The following RBFOX1 variants were observed in gnomAD, a reference collection of about 807,000 sequenced individuals.
RBFOX1 encodes the protein RNA binding fox-1 homolog 1.
A neutral mutation model predicts 57.7 loss-of-function variants in RBFOX1; 8 were observed. The observed-to-expected ratio is 0.14, with a 90% CI of 0.08 to 0.25. RBFOX1 has a LOEUF of 0.25. Among genes scored for constraint, RBFOX1 ranks in the 10% least tolerant of loss-of-function variants. The pLI is 1.00. For synonymous variants in RBFOX1, 326 were observed against 222.4 expected (o/e 1.47, Z -4.15); for missense variants, 611 against 548.5 (o/e 1.11, Z -1.14).
chr16:7,633,990 C>A (rs971808796), intron 11 of RBFOX1, among the ~76,000 whole-genome samples: 8 of 152,176 alleles, frequency 5.3e-5, no homozygotes, highest in African/African-American at 1.9e-4. Flanking sequence ...TTTTTACATG[C>A]AGGCCTGTGC....
At chr16:7,146,875 G>A (rs569936873) in intron 4 of RBFOX1, among the ~76,000 whole-genome samples, 3 of 149,250 alleles carry the variant, frequency 2.0e-5, no homozygotes, top group African/African-American at 7.4e-5. Context: ...ATCTGAACCA[G>A]GAGGTCGAGG....
At chr16:6,958,353 T>G (rs2082288339) in intron 3 of RBFOX1, among the ~76,000 whole-genome samples, 1 of 152,186 alleles carries the variant, frequency 6.6e-6, no homozygotes, top group Non-Finnish European at 1.5e-5. Context: ...CAAGTAGCAT[T>G]TTTATCACCC....
intron 4 of RBFOX1, among the ~76,000 whole-genome samples, chr16:5,995,647 G>T (rs1021768777): frequency 6.6e-6 from 1 of 152,186 alleles, no homozygotes; most frequent in Non-Finnish European, 1.5e-5. Context: ...GATGCTACAA[G>T]TCAACCCTTT....
chr16:7,502,458 C>G (rs1041408182), intron 4 of RBFOX1, among the ~76,000 whole-genome samples: 3 of 152,120 alleles, frequency 2.0e-5, no homozygotes, highest in African/African-American at 7.2e-5. Flanking sequence ...TAAGTTTTCA[C>G]CATATCATGC....
chr16:7,353,303 TAGAC>T (rs2097160109), intron 4 of RBFOX1, among the ~76,000 whole-genome samples: 1 of 152,102 alleles, frequency 6.6e-6, no homozygotes, highest in African/African-American at 2.4e-5. Flanking sequence ...ATAAAAAAGA[TAGAC>T]AGCAAGAAGT....
chr16:6,928,804 A>G (rs1220971076), intron 3 of RBFOX1, among the ~76,000 whole-genome samples: 1 of 152,200 alleles, frequency 6.6e-6, no homozygotes, highest in Non-Finnish European at 1.5e-5. Flanking sequence ...AGACATATGC[A>G]CACAGAAAAA....
intron 3 of RBFOX1, among the ~76,000 whole-genome samples, chr16:6,957,080 G>T (rs13338030): frequency 0.58 from 82,349 of 143,158 alleles, 22,914 homozygotes; most frequent in Middle Eastern, 0.62. Flanking sequence ...GGTTGCCCAT[G>T]TTTTTTGGTT....
intron 4 of RBFOX1, among the ~76,000 whole-genome samples, chr16:7,119,837 C>G (rs916628213): frequency 1.3e-5 from 2 of 152,046 alleles, no homozygotes; most frequent in Non-Finnish European, 2.9e-5. Flanking sequence ...CTGAACAACA[C>G]CATCAGCCAA....
intron 3 of RBFOX1, among the ~76,000 whole-genome samples, chr16:5,624,914 T>C (rs1433637821): frequency 1.3e-5 from 2 of 152,122 alleles, no homozygotes; most frequent in Non-Finnish European, 2.9e-5. Flanking sequence ...AATAGGTTTA[T>C]CTGGTGCCAA....
At chr16:5,407,509 A>C (rs931260773) in intron 1 of RBFOX1, among the ~76,000 whole-genome samples, 5 of 152,104 alleles carry the variant, frequency 3.3e-5, no homozygotes, top group African/African-American at 1.2e-4. Flanking sequence ...AGTGAGAGGT[A>C]CTGGCAGCAC....
chr16:6,345,388 T>A (rs2085221373), intron 2 of RBFOX1, among the ~76,000 whole-genome samples: 1 of 152,200 alleles, frequency 6.6e-6, no homozygotes, highest in Non-Finnish European at 1.5e-5. Context: ...AAGGGGCAGA[T>A]GATACAGACA....
chr16:7,439,792 C>T (rs2098751608), intron 4 of RBFOX1, among the ~76,000 whole-genome samples: 1 of 152,084 alleles, frequency 6.6e-6, no homozygotes, highest in Non-Finnish European at 1.5e-5. Context: ...AGATTGCTTG[C>T]TTGTCAAATT....
chr16:6,503,330 T>C (rs1439472923), intron 2 of RBFOX1, among the ~76,000 whole-genome samples: 2 of 152,234 alleles, frequency 1.3e-5, no homozygotes, highest in East Asian at 1.9e-4. Context: ...TAAAGGAGAT[T>C]GTAGAAGCCT....
chr16:6,362,875 G>C lies in RBFOX1; in HGVS notation c.-64+45818G>C, dbSNP rs535825487. Reference sequence around the variant, plus strand: ...GGTCGAGGTGTAAACAGAGGATGGAGACTAAATAAGGTAGTTGTCTCTTGA... The same window carrying C: ...GGTCGAGGTGTAAACAGAGGATGGACACTAAATAAGGTAGTTGTCTCTTGA... On this transcript the variant is annotated intron_variant, in intron 2 of 15. Transcript: ENST00000550418. 3.0e-4 allele frequency among the ~76,000 whole-genome samples: 45 copies of C among 152,318 alleles called. No individual in the cohort carries two copies. In the South Asian group the frequency reaches 8.5e-3, roughly 29 times the overall value.
chr16:6,473,625 T>G (rs184822481), intron 2 of RBFOX1, among the ~76,000 whole-genome samples: 22 of 152,178 alleles, frequency 1.4e-4, no homozygotes, highest in African/African-American at 5.1e-4. Flanking sequence ...CAAATAAAAA[T>G]AAACAGAGGC....
chr16:6,653,581 C>T lies in RBFOX1; in HGVS notation c.-63-1022C>T, dbSNP rs1309834518. Among the ~76,000 whole-genome samples the T allele has an allele frequency of 2.0e-5, 3 of 151,672 alleles. No individual in the cohort carries two copies. In the East Asian group the frequency reaches 5.8e-4, roughly 29 times the overall value. On this transcript the variant is annotated intron_variant, in intron 2 of 15. Transcript: ENST00000550418. Reference sequence around the variant, plus strand: ...AAAATAGCAGAAAATCATAGGTGTGCAATAAATATGAATGAGTGGATGAGT... The same window carrying T: ...AAAATAGCAGAAAATCATAGGTGTGTAATAAATATGAATGAGTGGATGAGT...
At chr16:6,227,196 C>G (rs1050642441) in intron 1 of RBFOX1, among the ~76,000 whole-genome samples, 9 of 151,984 alleles carry the variant, frequency 5.9e-5, no homozygotes, top group Non-Finnish European at 1.2e-4. Flanking sequence ...AGCTGTCTAC[C>G]CTGGCCCTCC....
chr16:6,706,711 C>CTT (rs33986994), intron 3 of RBFOX1, among the ~76,000 whole-genome samples: 8,201 of 142,186 alleles, frequency 0.058, 561 homozygotes, highest in East Asian at 0.37. Context: ...CAGCTGCAGT[C>CTT]TTTTTTTTTT....
chr16:5,336,613 G>A (rs545772678), intron 1 of RBFOX1, among the ~76,000 whole-genome samples: 2 of 152,318 alleles, frequency 1.3e-5, no homozygotes, highest in East Asian at 1.9e-4. Context: ...TCTTGGCATC[G>A]TCTCTGAAGC....
Sources: allele counts gnomAD v4.1 joint callset (sites outside exome capture counted in the v4.1 genomes callset), GRCh38; gene constraint gnomAD v4.1.1; transcripts MANE v1.5; gene names NCBI Gene and HGNC (gene_info 2026-07-23, HGNC 2026-07-21).